The following GCNT1 variants were observed in gnomAD, a reference collection of about 807,000 sequenced individuals.
The protein encoded by GCNT1 is beta-1,3-galactosyl-O-glycosyl-glycoprotein beta-1,6-N-acetylglucosaminyltransferase.
Under a neutral mutation model 26.2 loss-of-function variants are expected in GCNT1, and 16 were observed. The ratio of observed to expected loss-of-function variants is 0.61; its 90% confidence interval spans 0.41 to 0.93. The LOEUF (loss-of-function observed/expected upper bound fraction) is 0.93. Among genes scored for constraint, GCNT1 ranks in the 40% least tolerant of loss-of-function variants. The pLI is 0.00. For synonymous variants in GCNT1, 183 were observed against 190.8 expected, an observed-to-expected ratio of 0.96 and a Z score of 0.34; for missense variants, 477 against 526.7, an observed-to-expected ratio of 0.91 and a Z score of 0.92.
rs538375107 is a variant in GCNT1, at chr9:76,463,340, T to C, written c.-290+3163T>C. 1.4e-3 allele frequency among the ~76,000 whole-genome samples: 210 copies of C among 152,336 alleles called. 1 individual carries two copies. Among genetic ancestry groups the C allele is most frequent in the African/African-American group, 5.0e-3 (208 of 41,582 alleles). ...TAAGCCAAGCACGGCCCAGTGTGAC[T>C]GCGTTGGTTGCCCACCCATGAGCTG... is the stretch of plus-strand genomic sequence containing the variant. On this transcript the variant is annotated intron_variant, in intron 2 of 3. Transcript: ENST00000376730.
chr9:76,445,303 T>C (rs1352635786), intron 1 of GCNT1, among the ~76,000 whole-genome samples: 1 of 152,204 alleles, frequency 6.6e-6, no homozygotes. Flanking sequence ...CATGTATCTC[T>C]CATTATCACT....
intron 2 of GCNT1, among the ~76,000 whole-genome samples, chr9:76,488,252 A>G (rs1029069664): frequency 6.6e-6 from 1 of 152,234 alleles, no homozygotes; most frequent in Non-Finnish European, 1.5e-5. Context: ...TTTGCAATCT[A>G]GAAACCATTC....
At chr9:76,484,640 G>T (rs1216680168) in intron 2 of GCNT1, among the ~76,000 whole-genome samples, 1 of 152,018 alleles carries the variant, frequency 6.6e-6, no homozygotes, top group Admixed American at 6.6e-5. Context: ...TAACACAGAG[G>T]GAGTGAAAAG....
At chr9:76,420,950 A>AG (rs1823182443) in intron 1 of GCNT1, among the ~76,000 whole-genome samples, 3 of 151,464 alleles carry the variant, frequency 2.0e-5, no homozygotes, top group Admixed American at 2.0e-4. Context: ...AAAGGAAAAA[A>AG]AAAAAAAAAA....
At chr9:76,482,530 A>G (rs62565119) in intron 2 of GCNT1, among the ~76,000 whole-genome samples, 37,405 of 151,370 alleles carry the variant, frequency 0.25, 4,848 homozygotes, top group East Asian at 0.31. Flanking sequence ...AGGCTGAGGC[A>G]GGAGAATGGC....
chr9:76,399,910 C>G, the GCNT1 span, among the ~76,000 whole-genome samples: 1 of 152,112 alleles, frequency 6.6e-6, no homozygotes, highest in Non-Finnish European at 1.5e-5. Flanking sequence ...AAGAAATGAG[C>G]TATCAAGCCA....
At chr9:76,411,492 C>CATGG in the GCNT1 span, among the ~76,000 whole-genome samples, 1 of 151,626 alleles carries the variant, frequency 6.6e-6, no homozygotes, top group Non-Finnish European at 1.5e-5. Flanking sequence ...CCATGCCTGG[C>CATGG]TAATTTTTGT....
At chr9:76,497,452 GATAA>G (rs1407640691) in intron 2 of GCNT1, among the ~76,000 whole-genome samples, 3 of 152,128 alleles carry the variant, frequency 2.0e-5, no homozygotes, top group East Asian at 3.8e-4. Context: ...TCACCCTGAT[GATAA>G]ATAGACAAAA....
At chr9:76,482,467 A>T (rs1824448122) in intron 2 of GCNT1, among the ~76,000 whole-genome samples, 1 of 150,438 alleles carries the variant, frequency 6.6e-6, no homozygotes, top group South Asian at 2.1e-4. Flanking sequence ...TAAAAATACA[A>T]AAAAAAATTA....
chr9:76,497,785 C>T (rs570212), intron 2 of GCNT1, among the ~76,000 whole-genome samples: 67,311 of 151,806 alleles, frequency 0.44, 15,208 homozygotes, highest in East Asian at 0.66. Context: ...CAAGACTCAG[C>T]GGTGTCACAA....
chr9:76,406,323 T>A, the GCNT1 span, among the ~76,000 whole-genome samples: 50,913 of 151,174 alleles, frequency 0.34, 9,088 homozygotes, highest in Middle Eastern at 0.4. Context: ...GTGAGACCCT[T>A]TATCTACAAA....
chr9:76,485,030 G>A (rs149367179), intron 2 of GCNT1, among the ~76,000 whole-genome samples: 56 of 152,102 alleles, frequency 3.7e-4, no homozygotes, highest in East Asian at 1.9e-3. Flanking sequence ...CTCATGATCC[G>A]CCCACCTTGG....
intron 1 of GCNT1, among the ~76,000 whole-genome samples, chr9:76,451,432 A>G (rs1409255286): frequency 1.3e-5 from 2 of 152,174 alleles, no homozygotes; most frequent in Non-Finnish European, 2.9e-5. Flanking sequence ...AGCCTCCTAC[A>G]TGGGGTGAGT....
At chr9:76,417,917 G>A (rs976012707), upstream of GCNT1, among the ~76,000 whole-genome samples, 2 of 152,182 alleles carry the variant, frequency 1.3e-5, no homozygotes, top group Admixed American at 1.3e-4. Flanking sequence ...AATTGTTGAT[G>A]AAAAGAGTGA....
chr9:76,481,331 G>A (rs1460438418), intron 2 of GCNT1, among the ~76,000 whole-genome samples: 2 of 151,644 alleles, frequency 1.3e-5, no homozygotes, highest in South Asian at 2.1e-4. Flanking sequence ...GGACAAGCTT[G>A]TCCAACTCAC....
upstream of GCNT1, among the ~76,000 whole-genome samples, chr9:76,455,121 C>T (rs932480126): frequency 2.6e-5 from 4 of 152,138 alleles, no homozygotes; most frequent in Non-Finnish European, 4.4e-5. Context: ...GCTGAGATTA[C>T]AGGCGTGAGC....
chr9:76,493,403 A>G (rs966509035), intron 2 of GCNT1, among the ~76,000 whole-genome samples: 2 of 152,216 alleles, frequency 1.3e-5, no homozygotes, highest in African/African-American at 4.8e-5. Context: ...CAATAGCATG[A>G]CATCTCTCCA....
chr9:76,408,688 C>T, the GCNT1 span, among the ~76,000 whole-genome samples: 1 of 151,650 alleles, frequency 6.6e-6, no homozygotes, highest in Non-Finnish European at 1.5e-5. Flanking sequence ...ATTTTCTTTT[C>T]TTCTTCTTCT....
the GCNT1 span, among the ~76,000 whole-genome samples, chr9:76,395,766 C>T: frequency 1.3e-5 from 2 of 152,114 alleles, no homozygotes; most frequent in South Asian, 4.1e-4. Flanking sequence ...AATAGTAATA[C>T]CGGTAGTAAG....
Sources: gnomAD v4.1 joint callset for allele counts (sites outside exome capture counted in the v4.1 genomes callset) on GRCh38, gnomAD v4.1.1 for gene constraint, MANE v1.5 for transcripts, NCBI Gene and HGNC (gene_info 2026-07-23, HGNC 2026-07-21) for gene names.